Variants in NUFIP1 observed in about 807,000 individuals in gnomAD.
NUFIP1 encodes FMR1-interacting protein NUFIP1.
NUFIP1 carries 38 observed loss-of-function variants against 56.2 expected under a neutral mutation model. The observed-to-expected ratio is 0.68, with a 90% CI of 0.52 to 0.89. The LOEUF (loss-of-function observed/expected upper bound fraction) is 0.89, where lower values mean the gene tolerates loss of function less well. Among genes scored for constraint, NUFIP1 ranks in the 40% least tolerant of loss-of-function variants. The pLI, the probability that NUFIP1 is intolerant of heterozygous loss-of-function variation, is 0.00. For synonymous variants in NUFIP1, 215 were observed against 212.4 expected (o/e 1.01, Z -0.10); for missense variants, 567 against 605.8 (o/e 0.94, Z 0.67).
At chr13:44,951,043 C>T (rs879942484) in intron 7 of NUFIP1, among the ~76,000 whole-genome samples, 6 of 152,202 alleles carry the variant, frequency 3.9e-5, no homozygotes, top group African/African-American at 1.4e-4. Context: ...CCACCTTCTG[C>T]TGGATGGAGC....
intron 1 of NUFIP1, 62 bp downstream of exon 1, chr13:44,988,963 G>A: frequency 6.5e-7 from 1 of 1,533,520 alleles, no homozygotes. Flanking sequence ...AGCAGAGAAA[G>A]GGGAGAGGAA....
intron 5 of NUFIP1, among the ~76,000 whole-genome samples, chr13:44,977,352 AG>A (rs1034341845): frequency 1.3e-5 from 2 of 152,186 alleles, no homozygotes; most frequent in Admixed American, 6.5e-5. Context: ...AGTGTGTTTC[AG>A]GGACTGGCAA....
At chr13:44,982,972 C>G (rs1227138839) in intron 1 of NUFIP1, among the ~76,000 whole-genome samples, 1 of 152,188 alleles carries the variant, frequency 6.6e-6, no homozygotes, top group Non-Finnish European at 1.5e-5. Flanking sequence ...CATGCCACTA[C>G]ACTCCAGTCT....
At chr13:44,953,456 G>GT (rs1476249356) in intron 7 of NUFIP1, among the ~76,000 whole-genome samples, 1 of 151,986 alleles carries the variant, frequency 6.6e-6, no homozygotes, top group East Asian at 1.9e-4. Context: ...GAATTATTTT[G>GT]TAAGAAAGAC....
intron 1 of NUFIP1, among the ~76,000 whole-genome samples, chr13:44,986,431 C>T (rs1872393561): frequency 1.3e-5 from 2 of 152,124 alleles, no homozygotes; most frequent in Admixed American, 1.3e-4. Context: ...GTGGCTCACG[C>T]CTATAATCCC....
Position 44,982,147 on chromosome 13 carries a change from AT to A in NUFIP1, c.419del (p.Asn140IlefsTer63). ...CATCATACTTTCGTGGATAATAAGA[AT>A]TTTTAACTAAAAAAAAAAAGATCCA... ...HQKSFNPAVK[N>X]SYYPRKYDAK... is the part of the protein sequence containing the mutation. On this transcript the variant is annotated frameshift_variant, in exon 2 of 10. Coordinates refer to ENST00000379161, the MANE Select transcript of NUFIP1 (RefSeq NM_012345.3). LOFTEE classifies it high-confidence loss of function. The A allele has an allele frequency of 2.1e-6, 3 of 1,453,246 alleles. No individual in the cohort carries two copies. Among genetic ancestry groups the A allele is most frequent in the Non-Finnish European group, 2.8e-6 (3 of 1,089,996 alleles). The allele number at this position is 1,453,246 out of a possible 1,614,324, so 90.0% of individuals were successfully genotyped here. A position where few individuals can be genotyped will look rare whatever the true frequency, so the allele number is the denominator to read the frequency against.
At chr13:44,988,294 C>T (rs1872498987) in intron 1 of NUFIP1, among the ~76,000 whole-genome samples, 1 of 152,138 alleles carries the variant, frequency 6.6e-6, no homozygotes, top group Admixed American at 6.5e-5. Flanking sequence ...GTGGCGTGGG[C>T]CTGTAGTCCC....
intron 5 of NUFIP1, among the ~76,000 whole-genome samples, chr13:44,973,465 G>T (rs1871871712): frequency 6.6e-6 from 1 of 152,128 alleles, no homozygotes; most frequent in African/African-American, 2.4e-5. Flanking sequence ...TACCAAAACA[G>T]AATTATACCC....
chr13:44,980,965 TG>T (rs1872169206), intron 2 of NUFIP1, 145 bp from the exon 3 acceptor site: 1 of 559,392 alleles, frequency 1.8e-6, no homozygotes, highest in Admixed American at 3.7e-5. Context: ...ATATTTCCAA[TG>T]AAGAGATTAT....
chr13:44,954,977 A>G (rs999663204), intron 7 of NUFIP1, among the ~76,000 whole-genome samples: 2 of 152,220 alleles, frequency 1.3e-5, no homozygotes, highest in African/African-American at 4.8e-5. Context: ...GTGGATGCTG[A>G]GGCACTTCAG....
chr13:44,955,441 C>T (rs914374110), intron 7 of NUFIP1, among the ~76,000 whole-genome samples: 6 of 152,170 alleles, frequency 3.9e-5, no homozygotes, highest in Admixed American at 1.3e-4. Context: ...TCCTCTAGAA[C>T]TTGAGTCTTG....
At chr13:44,967,486 C>T (rs779260343) in intron 5 of NUFIP1, among the ~76,000 whole-genome samples, 14 of 151,096 alleles carry the variant, frequency 9.3e-5, no homozygotes, top group Non-Finnish European at 1.9e-4. Flanking sequence ...TCAGCCTGGG[C>T]GACACAGAAA....
At chr13:44,969,831 T>G (rs1871742807) in intron 5 of NUFIP1, among the ~76,000 whole-genome samples, 1 of 152,206 alleles carries the variant, frequency 6.6e-6, no homozygotes, top group Non-Finnish European at 1.5e-5. Context: ...ACCCATTTAT[T>G]GGCTTTTCCC....
rs181760780 is a variant in NUFIP1 at position 44,967,000 on chromosome 13, A to T, written c.735-1064T>A. ...AACATAAATAAATAAATAAATAAAT[A>T]AAATAAAATAAAAAATATACTGTCT... On this transcript the variant is annotated intron_variant, in intron 5 of 9. Coordinates refer to ENST00000379161, the MANE Select transcript of NUFIP1 (RefSeq NM_012345.3). Among the ~76,000 whole-genome samples the T allele has an allele frequency of 1.4e-3, 211 of 151,460 alleles. 1 individual carries two copies. The highest frequency in any genetic ancestry group is 3.4e-3 in the Middle Eastern group (1 of 292).
At position 44,959,511 on chromosome 13, in the gene NUFIP1, G is replaced by C; in HGVS notation, c.891C>G (p.His297Gln). ...GTCTAGAATTGTCGTTTTTCCATTTGTGATTCTTGCCAGGACTTCTGATCT... is the reference window on the plus strand; with the variant it reads ...GTCTAGAATTGTCGTTTTTCCATTTCTGATTCTTGCCAGGACTTCTGATCT... Reference protein sequence around the residue: ...MAKIRSPGKNHKWKNDNSRQR... With the variant: ...MAKIRSPGKNQKWKNDNSRQR... The change falls in exon 7 of 10, where the codon CAC (histidine) becomes CAG (glutamine). Residue 297 changes from histidine to glutamine, a missense_variant. Physicochemically the swap from His to Gln is conservative, Grantham distance 24. Coordinates refer to ENST00000379161, the MANE Select transcript of NUFIP1 (RefSeq NM_012345.3). 6.2e-7 allele frequency: 1 copy of C among 1,613,950 alleles called. No individual in the cohort carries two copies. Among genetic ancestry groups the C allele is most frequent in the Non-Finnish European group, 8.5e-7 (1 of 1,179,978 alleles).
intron 8 of NUFIP1, among the ~76,000 whole-genome samples, chr13:44,945,663 T>C (rs1482564725): frequency 1.3e-5 from 2 of 152,020 alleles, no homozygotes; most frequent in African/African-American, 4.8e-5. Context: ...TGGTTTGACA[T>C]TTGAAAATCA....
chr13:44,949,217 T>TC (rs1870998902), intron 8 of NUFIP1, among the ~76,000 whole-genome samples: 1 of 146,074 alleles, frequency 6.8e-6, no homozygotes, highest in African/African-American at 2.5e-5. Flanking sequence ...TTTTTTTTTT[T>TC]TTGAGACGGA....
At chr13:44,944,506 T>C (rs9526021) in intron 8 of NUFIP1, among the ~76,000 whole-genome samples, 11,001 of 152,128 alleles carry the variant, frequency 0.072, 647 homozygotes, top group East Asian at 0.2. Flanking sequence ...TGATTGAATA[T>C]TGAACGTTCC....
At chr13:44,968,468 G>GA (rs1312088241) in intron 5 of NUFIP1, among the ~76,000 whole-genome samples, 6 of 150,080 alleles carry the variant, frequency 4.0e-5, no homozygotes, top group African/African-American at 1.5e-4. Flanking sequence ...TTAATAGGAT[G>GA]AAAAATAAAA....
Sources: allele counts gnomAD v4.1 joint callset (sites outside exome capture counted in the v4.1 genomes callset), GRCh38; gene constraint gnomAD v4.1.1; transcripts MANE v1.5; gene names NCBI Gene and HGNC (gene_info 2026-07-23, HGNC 2026-07-21).